Variants in NIN observed in about 807,000 individuals in gnomAD.
The protein encoded by NIN is ninein.
A neutral mutation model predicts 257.6 loss-of-function variants in NIN; 137 were observed. That is an observed-to-expected ratio of 0.53 (90% CI 0.46 to 0.61). The LOEUF (loss-of-function observed/expected upper bound fraction) is 0.61, where lower values mean the gene tolerates loss of function less well. NIN is among the 20% of genes least tolerant of loss of function. NIN has a pLI of 0.00. For synonymous variants in NIN, 918 were observed against 919.8 expected (o/e 1.00, Z 0.04); for missense variants, 2,439 against 2,501.2 (o/e 0.98, Z 0.53).
Position 50,757,103 on chromosome 14 carries a change from C to A in NIN, c.3927G>T (p.Lys1309Asn). Residue 1309 changes from lysine to asparagine, a missense_variant, in exon 18 of 31, where the codon AAG becomes AAT. Transcript: ENST00000530997. The stretch of plus-strand genomic sequence containing the variant: ...TTTCTATTTTGACCTCATCGTAACT[C>A]TTTTCCAGGCTGAGGAATGTTTCAG... Reference protein sequence around the residue: ...EVTETFLSLEKSYDEVKIENE... With the variant: ...EVTETFLSLENSYDEVKIENE... 6.2e-7 allele frequency: 1 copy of A among 1,612,886 alleles called. No homozygotes were observed. The highest frequency in any genetic ancestry group is 1.1e-5 in the South Asian group (1 of 90,876).
intron 5 of NIN, among the ~76,000 whole-genome samples, chr14:50,780,886 A>G (rs1013163010): frequency 6.6e-6 from 1 of 152,156 alleles, no homozygotes; most frequent in African/African-American, 2.4e-5. Flanking sequence ...CTCAGCCTAC[A>G]TTTCTACATA....
Position 50,752,718 on chromosome 14 carries a change from T to A in NIN, c.4750A>T (p.Ile1584Phe), listed in dbSNP as rs749295884. 1 of 1,582,486 alleles carries A rather than the reference T, an allele frequency of 6.3e-7. No individual in the cohort carries two copies. Among genetic ancestry groups the A allele is most frequent in the Non-Finnish European group, 8.6e-7 (1 of 1,162,414 alleles). Residue 1584 changes from isoleucine to phenylalanine, a missense_variant, in exon 21 of 31, where the codon ATC (isoleucine) becomes TTC (phenylalanine). Transcript: ENST00000530997. ...TCCAAATCCAATTGTTGGTTTTTGA[T>A]TTTTAATTCTGAAATCTAATTAAAA... is the stretch of plus-strand genomic sequence containing the variant. ...NLKKQISELK[I>F]KNQQLDLENT...
intron 5 of NIN, among the ~76,000 whole-genome samples, chr14:50,779,574 C>A (rs961595944): frequency 2.6e-5 from 4 of 152,018 alleles, no homozygotes; most frequent in African/African-American, 9.7e-5. Context: ...CTGGCCAACA[C>A]AATGAAACCC....
At chr14:50,805,842 A>C (rs1189292714) in intron 4 of NIN, 1 of 152,190 alleles carries the variant, frequency 6.6e-6, no homozygotes, top group Non-Finnish European at 1.5e-5. Context: ...TCAAGATATA[A>C]AAGTTTCATT....
At chr14:50,767,645 G>A (rs538820186) in intron 12 of NIN, among the ~76,000 whole-genome samples, 119 of 151,990 alleles carry the variant, frequency 7.8e-4, no homozygotes, top group East Asian at 2.3e-3. Context: ...GTGAAACCCC[G>A]TCTCTACTAA....
At chr14:50,738,709 G>A (rs2041125173) in intron 26 of NIN, among the ~76,000 whole-genome samples, 1 of 152,198 alleles carries the variant, frequency 6.6e-6, no homozygotes, top group Admixed American at 6.5e-5. Context: ...CATGAACCAT[G>A]TCTGTCTTGC....
chr14:50,773,114 A>G lies in NIN; in HGVS notation c.667-19T>C, dbSNP rs1308760918. ...CGAGCATCTAGAAAAGAGTCATCACATATTTTAAATACTCCATTCAAGTAT... is the reference window on the plus strand; with the variant it reads ...CGAGCATCTAGAAAAGAGTCATCACGTATTTTAAATACTCCATTCAAGTAT... On this transcript the variant is annotated intron_variant, in intron 7 of 30. Coordinates refer to ENST00000530997, the MANE Select transcript of NIN (RefSeq NM_020921.4). The G allele has an allele frequency of 1.3e-5, 21 of 1,601,864 alleles. No homozygotes were observed. The highest frequency in any genetic ancestry group is 1.8e-5 in the Non-Finnish European group (21 of 1,170,772).
chr14:50,795,107 T>C (rs1330901387), intron 4 of NIN, among the ~76,000 whole-genome samples: 1 of 152,238 alleles, frequency 6.6e-6, no homozygotes, highest in African/African-American at 2.4e-5. Flanking sequence ...ACGAACATGA[T>C]AAAGTCAATT....
intron 29 of NIN, among the ~76,000 whole-genome samples, chr14:50,728,037 T>C (rs568473359): frequency 1.4e-4 from 21 of 151,092 alleles, no homozygotes; most frequent in African/African-American, 5.1e-4. Context: ...CCGTCCACTC[T>C]GTCATCTGGT....
chr14:50,761,387 T>A lies in NIN; in HGVS notation c.1896+403A>T, dbSNP rs558787124. Among the ~76,000 whole-genome samples the A allele has an allele frequency of 1.1e-4, 17 of 152,316 alleles. No homozygotes were observed. In the South Asian group the frequency reaches 3.5e-3, roughly 32 times the overall value. ...TTTAGCTGGAGGATAAGGTAACTCA[T>A]AAGAACGGTCAGTTGAAGTCTGGAC... is the stretch of plus-strand genomic sequence containing the variant. On this transcript the variant is annotated intron_variant, in intron 16 of 30. Transcript: ENST00000530997.
At chr14:50,733,733 T>A (rs1458016580) in intron 28 of NIN, among the ~76,000 whole-genome samples, 1 of 152,194 alleles carries the variant, frequency 6.6e-6, no homozygotes, top group Non-Finnish European at 1.5e-5. Context: ...TGGGCTTAGT[T>A]TTAGACATCT....
At chr14:50,806,414 T>A (rs924138708) in intron 4 of NIN, 3 of 190,584 alleles carry the variant, frequency 1.6e-5, no homozygotes, top group African/African-American at 7.0e-5. Context: ...CCCCAAATCA[T>A]ATCCTTCCAT....
chr14:50,823,189 T>C (rs1215620207), intron 2 of NIN: 2 of 565,042 alleles, frequency 3.5e-6, no homozygotes, highest in Non-Finnish European at 7.2e-6. Context: ...CAGTTCATTT[T>C]TAACGTGCTG....
intron 7 of NIN, among the ~76,000 whole-genome samples, chr14:50,775,951 A>T (rs1363630487): frequency 6.6e-6 from 1 of 152,220 alleles, no homozygotes; most frequent in Non-Finnish European, 1.5e-5. Context: ...ACAACAAAAA[A>T]AATTTTCTGT....
intron 12 of NIN, among the ~76,000 whole-genome samples, chr14:50,770,120 C>CA (rs2042671062): frequency 1.3e-5 from 2 of 152,072 alleles, no homozygotes; most frequent in African/African-American, 4.8e-5. Flanking sequence ...AGCCAGGTGC[C>CA]AAACAGCCCT....
chr14:50,778,836 T>C (rs2043019283), intron 5 of NIN, 32 bp from the exon 6 acceptor site: 2 of 1,611,218 alleles, frequency 1.2e-6, no homozygotes, highest in South Asian at 2.2e-5. Flanking sequence ...TAGTGTGCTT[T>C]AGAACTTATT....
chr14:50,821,742 C>T (rs913336442), intron 3 of NIN, 132 bp downstream of exon 3: 1 of 730,840 alleles, frequency 1.4e-6, no homozygotes, highest in Non-Finnish European at 2.3e-6. Flanking sequence ...ACACCCATTA[C>T]ATTCTTCTTT....
At chr14:50,817,792 T>C (rs1214085492) in intron 3 of NIN, among the ~76,000 whole-genome samples, 5 of 152,132 alleles carry the variant, frequency 3.3e-5, no homozygotes, top group Non-Finnish European at 7.4e-5. Context: ...CTCGGCCCAC[T>C]GCAACCTTTG....
At chr14:50,790,817 T>C (rs2043558262) in intron 5 of NIN, among the ~76,000 whole-genome samples, 1 of 152,230 alleles carries the variant, frequency 6.6e-6, no homozygotes, top group Admixed American at 6.5e-5. Context: ...TCAACTCTTA[T>C]CTTTATTTAT....
Sources: allele counts gnomAD v4.1 joint callset (sites outside exome capture counted in the v4.1 genomes callset), GRCh38; gene constraint gnomAD v4.1.1; transcripts MANE v1.5; gene names NCBI Gene and HGNC (gene_info 2026-07-23, HGNC 2026-07-21).